The following CPED1 variants were observed in gnomAD, a reference collection of about 807,000 sequenced individuals.
The protein encoded by CPED1 is cadherin like and PC-esterase domain containing 1.
CPED1 carries 114 observed loss-of-function variants against 128.2 expected under a neutral mutation model. That is an observed-to-expected ratio of 0.89 (90% CI 0.76 to 1.04). The LOEUF (loss-of-function observed/expected upper bound fraction) is 1.04, where lower values mean the gene tolerates loss of function less well. Among genes scored for constraint, CPED1 ranks in the 50% least tolerant of loss-of-function variants. CPED1 has a pLI of 0.00. For synonymous variants in CPED1, 462 were observed against 426.7 expected (o/e 1.08, Z -1.02); for missense variants, 1,211 against 1,207.1 (o/e 1.00, Z -0.05).
intron 22 of CPED1, among the ~76,000 whole-genome samples, chr7:121,293,570 C>A (rs1792757800): frequency 6.6e-6 from 1 of 152,202 alleles, no homozygotes; most frequent in Non-Finnish European, 1.5e-5. Flanking sequence ...AAGCCTCCTG[C>A]AGCTAGCTCA....
intron 16 of CPED1, among the ~76,000 whole-genome samples, chr7:121,199,648 G>A (rs1797344593): frequency 8.4e-6 from 1 of 118,906 alleles, no homozygotes; most frequent in East Asian, 2.4e-4. Flanking sequence ...CTGCACTCCA[G>A]CCTGGCAACA....
chr7:121,224,616 G>GGA (rs1414898578), intron 16 of CPED1, among the ~76,000 whole-genome samples: 2 of 151,976 alleles, frequency 1.3e-5, no homozygotes, highest in African/African-American at 4.8e-5. Context: ...AGGTCACTAA[G>GGA]GACTTGCTTT....
At chr7:121,128,775 T>C in intron 11 of CPED1, among the ~76,000 whole-genome samples, 1 of 152,298 alleles carries the variant, frequency 6.6e-6, no homozygotes, top group East Asian at 1.9e-4. Flanking sequence ...AACATTTTTC[T>C]GAAGAAGTTT....
At chr7:121,029,964 T>A (rs1792688629) in intron 3 of CPED1, among the ~76,000 whole-genome samples, 1 of 152,198 alleles carries the variant, frequency 6.6e-6, no homozygotes, top group Non-Finnish European at 1.5e-5. Context: ...TTTTAGAGAA[T>A]GATGTTCCTT....
chr7:120,997,006 T>G (rs1303975694), intron 2 of CPED1, among the ~76,000 whole-genome samples: 1 of 152,218 alleles, frequency 6.6e-6, no homozygotes, highest in Non-Finnish European at 1.5e-5. Flanking sequence ...GTGTAATCCA[T>G]AATCCATAAT....
chr7:121,129,317 A>ATATATACG (rs1795601306), intron 11 of CPED1, among the ~76,000 whole-genome samples: 8 of 126,844 alleles, frequency 6.3e-5, no homozygotes, highest in African/African-American at 2.2e-4. Flanking sequence ...ATATACGTAT[A>ATATATACG]TATATATATA....
chr7:121,145,909 CA>C (rs1796014551), intron 16 of CPED1, among the ~76,000 whole-genome samples: 1 of 151,882 alleles, frequency 6.6e-6, no homozygotes, highest in Non-Finnish European at 1.5e-5. Flanking sequence ...AAAGCCTATG[CA>C]GGCAAATCTA....
rs181742637 is a variant in CPED1 at position 121,270,923 on chromosome 7, A to G, written c.2722-361A>G. ...AATTCTGTAAAAAATAACATTTGTA[A>G]TTTGATAGGAATAGCATTAAATCTG... On this transcript the variant is annotated intron_variant, in intron 21 of 22. Transcript: ENST00000310396. 3.1e-3 allele frequency among the ~76,000 whole-genome samples: 475 copies of G among 152,148 alleles called. 2 individuals carry two copies. Among genetic ancestry groups the G allele is most frequent in the Non-Finnish European group, 4.2e-3 (287 of 67,950 alleles).
At chr7:121,287,363 C>T (rs188128362) in intron 22 of CPED1, among the ~76,000 whole-genome samples, 18 of 133,322 alleles carry the variant, frequency 1.4e-4, no homozygotes, top group African/African-American at 4.7e-4. Context: ...TTGGCAATGA[C>T]GCCAAGGAAA....
At chr7:121,210,679 T>C (rs1461976999) in intron 16 of CPED1, among the ~76,000 whole-genome samples, 2 of 151,450 alleles carry the variant, frequency 1.3e-5, no homozygotes, top group African/African-American at 4.9e-5. Flanking sequence ...GCTTGGAGAG[T>C]GGGAAATGGG....
At position 121,124,536 on chromosome 7, in the gene CPED1, A is replaced by G. The variant is rs189964151; in HGVS notation, c.1061+63A>G. ...AAAGAAAGCAACCTATCTTTTAAAA[A>G]TTGTTGGTGGAAATGTATCTTAATT... is the stretch of plus-strand genomic sequence containing the variant. On this transcript the variant is annotated intron_variant, in intron 8 of 22. Coordinates refer to ENST00000310396, the MANE Select transcript of CPED1 (RefSeq NM_024913.5). 11 of 1,251,420 alleles carry G rather than the reference A, an allele frequency of 8.8e-6. No homozygotes were observed. In the East Asian group the frequency reaches 3.1e-4, roughly 35 times the overall value. 77.5% of individuals were successfully genotyped at this position (1,251,420 alleles called of 1,614,324 possible).
chr7:121,066,357 C>G (rs1793831634), intron 5 of CPED1, among the ~76,000 whole-genome samples: 2 of 151,748 alleles, frequency 1.3e-5, no homozygotes, highest in South Asian at 2.1e-4. Flanking sequence ...GTTAAGAATA[C>G]CCATTTCATA....
intron 18 of CPED1, among the ~76,000 whole-genome samples, chr7:121,250,506 C>A (rs1322332984): frequency 6.6e-6 from 1 of 151,954 alleles, no homozygotes; most frequent in East Asian, 1.9e-4. Context: ...ACACAAAAAA[C>A]CCTTCAAAAA....
chr7:121,117,261 G>A (rs372906908), intron 7 of CPED1, among the ~76,000 whole-genome samples: 2 of 151,066 alleles, frequency 1.3e-5, no homozygotes, highest in East Asian at 2.0e-4. Context: ...CCACCATGCC[G>A]GGCTACTTTT....
At chr7:121,192,516 A>G (rs1401192476) in intron 16 of CPED1, among the ~76,000 whole-genome samples, 1 of 152,124 alleles carries the variant, frequency 6.6e-6, no homozygotes, top group African/African-American at 2.4e-5. Context: ...TGCTCTCTAG[A>G]ATCAAGCAGG....
intron 16 of CPED1, among the ~76,000 whole-genome samples, chr7:121,150,352 G>T (rs1179420207): frequency 1.3e-5 from 2 of 151,848 alleles, no homozygotes; most frequent in Non-Finnish European, 2.9e-5. Flanking sequence ...GCCTCCAGCT[G>T]CATCCATGTT....
At chr7:121,244,377 G>A (rs1798475166) in intron 18 of CPED1, 39 bp downstream of exon 18, 4 of 1,608,936 alleles carry the variant, frequency 2.5e-6, no homozygotes, top group Non-Finnish European at 3.4e-6. Context: ...TTTAATGTAT[G>A]CCACCTGAAG....
Position 121,037,380 on chromosome 7 carries a change from AT to A in CPED1, c.434-9504del, listed in dbSNP as rs566255492. ...ATGGCTTTCCAATTATCCCAGCACC[AT>A]TTGTTGAATAGGGTGTCCTTTCCAC... On this transcript the variant is annotated intron_variant, in intron 3 of 22. Transcript: ENST00000310396. 1.4e-3 allele frequency among the ~76,000 whole-genome samples: 213 copies of A among 152,264 alleles called. 5 individuals are homozygous for A. The highest frequency in any genetic ancestry group is 0.012 in the Admixed American group (186 of 15,280).
intron 6 of CPED1, 23 bp from the exon 7 acceptor site, chr7:121,099,899 GCTAA>G (rs770335227): frequency 1.4e-4 from 221 of 1,536,208 alleles, no homozygotes; most frequent in Middle Eastern, 3.4e-4. Flanking sequence ...ATTATGGAGC[GCTAA>G]CTATGTTTTT....
Sources: gnomAD v4.1 joint callset for allele counts (sites outside exome capture counted in the v4.1 genomes callset) on GRCh38, gnomAD v4.1.1 for gene constraint, MANE v1.5 for transcripts, NCBI Gene and HGNC (gene_info 2026-07-23, HGNC 2026-07-21) for gene names.